The following RAB3C variants were observed in gnomAD, a reference collection of about 807,000 sequenced individuals.
RAB3C encodes ras-related protein Rab-3C.
Under a neutral mutation model 26.4 loss-of-function variants are expected in RAB3C, and 17 were observed. That is an observed-to-expected ratio of 0.64 (90% confidence interval 0.44 to 0.97). RAB3C has a LOEUF of 0.97. Ranked by LOEUF, RAB3C falls within the 50% of genes least tolerant of loss-of-function variation. The pLI is 0.00. For missense variants in RAB3C, 242 were observed against 281.9 expected (o/e 0.86, Z 1.01); for synonymous variants, 91 against 95.9 (o/e 0.95, Z 0.30).
At chr5:58,785,257 C>G (rs1579917183) in intron 3 of RAB3C, among the ~76,000 whole-genome samples, 1 of 152,198 alleles carries the variant, frequency 6.6e-6, no homozygotes, top group South Asian at 2.1e-4. Flanking sequence ...TCCCACCCCC[C>G]ATAAAATCTG....
intron 3 of RAB3C, among the ~76,000 whole-genome samples, chr5:58,806,651 A>C (rs892072615): frequency 4.6e-5 from 7 of 152,134 alleles, no homozygotes; most frequent in African/African-American, 1.4e-4. Context: ...TCTGGCCTCT[A>C]TCTATGACAT....
chr5:58,594,346 C>G (rs1019043676), intron 1 of RAB3C, among the ~76,000 whole-genome samples: 2 of 152,170 alleles, frequency 1.3e-5, no homozygotes, highest in African/African-American at 4.8e-5. Context: ...CCACTGAACA[C>G]CTGTCTGAGT....
intron 1 of RAB3C, among the ~76,000 whole-genome samples, chr5:58,594,851 C>CTTTT (rs368470766): frequency 6.0e-5 from 8 of 133,202 alleles, no homozygotes; most frequent in East Asian, 4.4e-4. Context: ...AACATGTAGG[C>CTTTT]TTTTTTTTTT....
At chr5:58,656,605 A>T (rs1035863047) in intron 2 of RAB3C, among the ~76,000 whole-genome samples, 3 of 152,248 alleles carry the variant, frequency 2.0e-5, no homozygotes, top group African/African-American at 7.2e-5. Context: ...AAATAACATA[A>T]ACATGTTTAT....
rs1744146307 is a variant in RAB3C at position 58,852,960 on chromosome 5, C to A, written c.*1609C>A. 1 of 152,148 alleles carries A rather than the reference C, an allele frequency of 6.6e-6. No homozygotes were observed. Among genetic ancestry groups the A allele is most frequent in the Non-Finnish European group, 1.5e-5 (1 of 68,016 alleles). 9.4% of individuals were successfully genotyped at this position (152,148 alleles called of 1,614,324 possible). On this transcript the variant is annotated 3_prime_UTR_variant, in exon 5 of 5. Transcript: ENST00000282878. ...GATATCTTTGGAGAATAAATCCTTA[C>A]AAGTCACAGAACTAGGTCACACACA...
chr5:58,722,537 A>C (rs1740794087), intron 2 of RAB3C, among the ~76,000 whole-genome samples: 1 of 151,982 alleles, frequency 6.6e-6, no homozygotes, highest in African/African-American at 2.4e-5. Flanking sequence ...CCCAAGCCAA[A>C]TGTGGGAAAA....
intron 2 of RAB3C, among the ~76,000 whole-genome samples, chr5:58,675,326 A>T (rs1032687594): frequency 6.6e-6 from 1 of 152,060 alleles, no homozygotes; most frequent in African/African-American, 2.4e-5. Context: ...CTTCACCTCT[A>T]TCAATTCTTC....
chr5:58,803,145 T>G (rs2548248), intron 3 of RAB3C, among the ~76,000 whole-genome samples: 65,912 of 152,064 alleles, frequency 0.43, 15,740 homozygotes, highest in Middle Eastern at 0.63. Flanking sequence ...CTAAGAAGAA[T>G]AAAACTAGTT....
intron 2 of RAB3C, among the ~76,000 whole-genome samples, chr5:58,684,009 A>T (rs1438143507): frequency 6.6e-6 from 1 of 152,200 alleles, no homozygotes; most frequent in Non-Finnish European, 1.5e-5. Context: ...TGTACAGGAA[A>T]AATATAGTAC....
intron 2 of RAB3C, among the ~76,000 whole-genome samples, chr5:58,692,580 T>A (rs1748592924): frequency 6.6e-6 from 1 of 152,204 alleles, no homozygotes; most frequent in East Asian, 1.9e-4. Flanking sequence ...CTGTAAACAT[T>A]GAGGTGATAA....
At position 58,624,727 on chromosome 5, in the gene RAB3C, CA is replaced by C. The variant is rs1315149884; in HGVS notation, c.252+6860del. On this transcript the variant is annotated intron_variant, in intron 2 of 4. Coordinates refer to ENST00000282878, the MANE Select transcript of RAB3C (RefSeq NM_138453.4). ...AGCAATGTACAGTGGAACATGCAGG[CA>C]AAGATGTGTGAAGACAGTGGGATAA... Among the ~76,000 whole-genome samples, 3 of 152,014 alleles carry C rather than the reference CA, an allele frequency of 2.0e-5. No homozygotes were observed. The East Asian group carries it at 5.8e-4, about 29-fold the overall frequency.
rs541105583 is a variant in RAB3C at position 58,690,756 on chromosome 5, T to C, written c.253-35246T>C. Reference sequence around the variant, plus strand: ...CAAGGTTCTTTGCTGCCTTTGTAGTTAAAGAAAAAAAAAGCAGACTATAGA... The same window carrying C: ...CAAGGTTCTTTGCTGCCTTTGTAGTCAAAGAAAAAAAAAGCAGACTATAGA... On this transcript the variant is annotated intron_variant, in intron 2 of 4. Transcript: ENST00000282878. Among the ~76,000 whole-genome samples the C allele has an allele frequency of 2.6e-5, 4 of 151,530 alleles. 1 individual carries two copies. In the East Asian group the frequency reaches 7.7e-4, roughly 29 times the overall value.
chr5:58,733,750 CA>C (rs1202889830), intron 3 of RAB3C, among the ~76,000 whole-genome samples: 2 of 152,170 alleles, frequency 1.3e-5, no homozygotes, highest in African/African-American at 4.8e-5. Context: ...GGGTTGTGAC[CA>C]GAGAGTTTAC....
intron 3 of RAB3C, among the ~76,000 whole-genome samples, chr5:58,807,126 G>A (rs1285760698): frequency 6.6e-6 from 1 of 152,180 alleles, no homozygotes; most frequent in Non-Finnish European, 1.5e-5. Context: ...GCTTTAATCT[G>A]TATCTCATGT....
At chr5:58,647,454 G>GA in intron 2 of RAB3C, among the ~76,000 whole-genome samples, 1 of 147,948 alleles carries the variant, frequency 6.8e-6, no homozygotes, top group East Asian at 2.1e-4. Context: ...CAGCATGGGG[G>GA]AACCACGCCC....
intron 2 of RAB3C, among the ~76,000 whole-genome samples, chr5:58,685,858 A>G (rs1420427094): frequency 2.6e-5 from 4 of 152,346 alleles, no homozygotes; most frequent in Admixed American, 2.6e-4. Flanking sequence ...ACGTAGATAT[A>G]GAAAGTGTTC....
At chr5:58,807,472 G>T (rs1260197290) in intron 3 of RAB3C, among the ~76,000 whole-genome samples, 1 of 152,158 alleles carries the variant, frequency 6.6e-6, no homozygotes, top group Non-Finnish European at 1.5e-5. Flanking sequence ...CCATAGACTG[G>T]GTGGCTTAAG....
At chr5:58,656,199 A>G (rs1747769334) in intron 2 of RAB3C, among the ~76,000 whole-genome samples, 1 of 152,228 alleles carries the variant, frequency 6.6e-6, no homozygotes, top group Non-Finnish European at 1.5e-5. Context: ...AAAAACAACT[A>G]GAAGTTTTGA....
At chr5:58,713,845 C>T (rs531408793) in intron 2 of RAB3C, among the ~76,000 whole-genome samples, 16 of 152,258 alleles carry the variant, frequency 1.1e-4, no homozygotes, top group Admixed American at 7.2e-4. Context: ...TATGGTTACC[C>T]TATCTACTTA....
Sources: allele counts gnomAD v4.1 joint callset (sites outside exome capture counted in the v4.1 genomes callset), GRCh38; gene constraint gnomAD v4.1.1; transcripts MANE v1.5; gene names NCBI Gene and HGNC (gene_info 2026-07-23, HGNC 2026-07-21).